Variants in ACOXL observed in about 807,000 individuals in gnomAD.
The protein encoded by ACOXL is acyl-coenzyme A oxidase-like protein.
In ACOXL, 70 loss-of-function variants were observed where a neutral mutation model predicts 71.9. The observed-to-expected ratio is 0.97, with a 90% CI of 0.80 to 1.19. ACOXL has a LOEUF of 1.19. Among genes scored for constraint, ACOXL ranks in the 50% most tolerant of loss-of-function variants. The probability of loss-of-function intolerance (pLI) is 0.00; values close to 1 mark genes in which losing one functional copy is unlikely to be tolerated. For missense variants in ACOXL, 703 were observed against 736.3 expected (o/e 0.95, Z 0.52); for synonymous variants, 253 against 281.6 (o/e 0.90, Z 1.02).
chr2:111,059,877 TAAG>T lies in ACOXL; in HGVS notation c.1440+10590_1440+10592del, dbSNP rs576743448. 6.0e-3 allele frequency among the ~76,000 whole-genome samples: 811 copies of T among 134,464 alleles called. 8 individuals carry two copies. Among genetic ancestry groups the T allele is most frequent in the African/African-American group, 0.022 (764 of 35,424 alleles). The allele number at this position is 134,464 out of a possible 152,430, so 88.2% of individuals were successfully genotyped here. A position where few individuals can be genotyped will look rare whatever the true frequency, so the allele number is the denominator to read the frequency against. ...AAGAGGAGGTAAATGAGGAGGAGGA[TAAG>T]GAGGAGAGGAGGAGAAAAAAATGAG... is the stretch of plus-strand genomic sequence containing the variant. On this transcript the variant is annotated intron_variant, in intron 16 of 17. Coordinates refer to ENST00000439055, the MANE Select transcript of ACOXL (RefSeq NM_001142807.4).
intron 11 of ACOXL, among the ~76,000 whole-genome samples, chr2:110,932,570 G>A (rs562244056): frequency 6.6e-6 from 1 of 152,184 alleles, no homozygotes; most frequent in South Asian, 2.1e-4. Flanking sequence ...GTGGAATTGA[G>A]GTATACTGCA....
chr2:110,766,228 T>C (rs1347642115), intron 1 of ACOXL, among the ~76,000 whole-genome samples: 1 of 152,258 alleles, frequency 6.6e-6, no homozygotes, highest in Non-Finnish European at 1.5e-5. Flanking sequence ...GTATGTGTTC[T>C]GACAGTTCTT....
At chr2:110,757,229 C>A (rs1360606705) in intron 1 of ACOXL, among the ~76,000 whole-genome samples, 5 of 152,158 alleles carry the variant, frequency 3.3e-5, no homozygotes, top group Non-Finnish European at 5.9e-5. Flanking sequence ...ATGTCCTAAT[C>A]GCATTCCTTT....
chr2:111,036,506 T>C (rs534088235), intron 15 of ACOXL, among the ~76,000 whole-genome samples: 6 of 152,350 alleles, frequency 3.9e-5, no homozygotes, highest in Non-Finnish European at 7.3e-5. Flanking sequence ...AGACCCAGCA[T>C]CTTGGAGGTC....
chr2:111,034,708 A>T lies in ACOXL; in HGVS notation c.1369+2994A>T, dbSNP rs77488186. 3.2e-4 allele frequency among the ~76,000 whole-genome samples: 49 copies of T among 152,340 alleles called. No homozygotes were observed. In the East Asian group the frequency reaches 8.9e-3, roughly 28 times the overall value. On this transcript the variant is annotated intron_variant, in intron 15 of 17. Transcript: ENST00000439055. Reference sequence around the variant, plus strand: ...TACAGAACGGGTCCTAAAGATAAGGATGCACTAAACATAACACTAGCCAGT... The same window carrying T: ...TACAGAACGGGTCCTAAAGATAAGGTTGCACTAAACATAACACTAGCCAGT...
At chr2:110,736,885 G>A (rs1477285411) in intron 1 of ACOXL, among the ~76,000 whole-genome samples, 1 of 152,188 alleles carries the variant, frequency 6.6e-6, no homozygotes, top group East Asian at 1.9e-4. Context: ...CTCCCAAAGT[G>A]CTGGGATTAC....
intron 10 of ACOXL, among the ~76,000 whole-genome samples, chr2:110,851,897 G>A (rs74182835): frequency 0.06 from 9,176 of 152,300 alleles, 395 homozygotes; most frequent in Middle Eastern, 0.12. Context: ...TGTCCTGGCC[G>A]CAGAGGTGAA....
Position 110,966,964 on chromosome 2 carries a change from C to T in ACOXL, c.1060-20144C>T, listed in dbSNP as rs1364058515. Among the ~76,000 whole-genome samples, 3 of 152,198 alleles carry T rather than the reference C, an allele frequency of 2.0e-5. No homozygotes were observed. In the South Asian group the frequency reaches 6.2e-4, roughly 31 times the overall value. ...TACCCTTCAAGATTAAATGTCATCTCATAATATCATATCTAAATACACTGG... is the reference window on the plus strand; with the variant it reads ...TACCCTTCAAGATTAAATGTCATCTTATAATATCATATCTAAATACACTGG... On this transcript the variant is annotated intron_variant, in intron 12 of 17. Transcript: ENST00000439055.
intron 11 of ACOXL, among the ~76,000 whole-genome samples, chr2:110,912,260 A>G (rs1249249355): frequency 3.3e-5 from 5 of 152,096 alleles, no homozygotes; most frequent in Non-Finnish European, 4.4e-5. Context: ...TTAGAAATTG[A>G]CAAGCTGATC....
intron 15 of ACOXL, among the ~76,000 whole-genome samples, chr2:111,033,006 A>G (rs1361821353): frequency 6.6e-6 from 1 of 152,180 alleles, no homozygotes; most frequent in African/African-American, 2.4e-5. Context: ...CTCCTAACAC[A>G]GGGCTCTGGA....
chr2:111,034,253 C>T (rs1308679001), intron 15 of ACOXL, among the ~76,000 whole-genome samples: 1 of 152,254 alleles, frequency 6.6e-6, no homozygotes, highest in Non-Finnish European at 1.5e-5. Context: ...GCCTTTGCAT[C>T]TGGCTCTTTG....
chr2:110,943,238 AAG>A (rs1159099634), intron 12 of ACOXL, among the ~76,000 whole-genome samples: 17 of 147,890 alleles, frequency 1.1e-4, no homozygotes, highest in South Asian at 2.2e-4. Context: ...GGAAGCAAGA[AAG>A]AGAAAGAAAA....
At chr2:110,867,988 C>T (rs1021640774) in intron 10 of ACOXL, among the ~76,000 whole-genome samples, 8 of 152,080 alleles carry the variant, frequency 5.3e-5, no homozygotes, top group African/African-American at 1.9e-4. Flanking sequence ...GTCTTGAACT[C>T]CTGACCTCGT....
At chr2:110,795,055 T>C (rs1288508957) in intron 5 of ACOXL, among the ~76,000 whole-genome samples, 1 of 152,116 alleles carries the variant, frequency 6.6e-6, no homozygotes, top group African/African-American at 2.4e-5. Context: ...TAAACAAATG[T>C]TGAGGTACTT....
intron 1 of ACOXL, among the ~76,000 whole-genome samples, chr2:110,736,594 A>G (rs1676871170): frequency 6.7e-6 from 1 of 149,332 alleles, no homozygotes; most frequent in African/African-American, 2.5e-5. Context: ...ATTCCATTGT[A>G]TGTATAGACT....
intron 9 of ACOXL, among the ~76,000 whole-genome samples, chr2:110,815,741 C>T (rs1336394848): frequency 6.6e-6 from 1 of 152,156 alleles, no homozygotes; most frequent in East Asian, 1.9e-4. Flanking sequence ...GAGGAGCAGG[C>T]ATTCTCTGCC....
chr2:110,986,829 G>A (rs79592048), intron 12 of ACOXL, among the ~76,000 whole-genome samples: 14,167 of 152,184 alleles, frequency 0.093, 892 homozygotes, highest in Non-Finnish European at 0.14. Flanking sequence ...AGCTAAAACA[G>A]TTGGTCCCAG....
chr2:111,055,780 C>T (rs2066504634), intron 16 of ACOXL, among the ~76,000 whole-genome samples: 1 of 152,186 alleles, frequency 6.6e-6, no homozygotes, highest in Admixed American at 6.5e-5. Context: ...TTCTGAATTC[C>T]CATAACACAG....
chr2:110,858,740 G>T (rs1693579432), intron 10 of ACOXL, among the ~76,000 whole-genome samples: 1 of 152,180 alleles, frequency 6.6e-6, no homozygotes, highest in Non-Finnish European at 1.5e-5. Context: ...TTTAGTTATG[G>T]AACAAAATAC....
Sources: gnomAD v4.1 joint callset for allele counts (sites outside exome capture counted in the v4.1 genomes callset) on GRCh38, gnomAD v4.1.1 for gene constraint, MANE v1.5 for transcripts, NCBI Gene and HGNC (gene_info 2026-07-23, HGNC 2026-07-21) for gene names.